COL23A1: variants seen among roughly 807,000 people sequenced by gnomAD.
The protein encoded by COL23A1 is collagen alpha-1(XXIII) chain.
In COL23A1, 97 loss-of-function variants were observed where a neutral mutation model predicts 99.3. The ratio of observed to expected loss-of-function variants is 0.98; its 90% CI spans 0.83 to 1.16. The LOEUF (loss-of-function observed/expected upper bound fraction) is 1.16. Ranked by LOEUF, COL23A1 falls within the 50% of genes most tolerant of loss-of-function variation. The pLI, the probability that COL23A1 is intolerant of heterozygous loss-of-function variation, is 0.00. For synonymous variants in COL23A1, 320 were observed against 308.2 expected (o/e 1.04, Z -0.40); for missense variants, 762 against 757.4 (o/e 1.01, Z -0.07).
intron 2 of COL23A1, among the ~76,000 whole-genome samples, chr5:178,422,959 G>A (rs991026725): frequency 6.6e-6 from 1 of 151,972 alleles, no homozygotes; most frequent in African/African-American, 2.4e-5. Context: ...GAATTTTGAA[G>A]TTTATTTATT....
intron 2 of COL23A1, among the ~76,000 whole-genome samples, chr5:178,341,851 C>T (rs936439465): frequency 1.1e-4 from 16 of 152,186 alleles, no homozygotes; most frequent in African/African-American, 3.9e-4. Context: ...GCCTGTCTTC[C>T]TCCAGACAGC....
Position 178,387,302 on chromosome 5 carries a change from G to A in COL23A1, c.362-80383C>T, listed in dbSNP as rs943209915. On this transcript the variant is annotated intron_variant, in intron 2 of 28. Transcript: ENST00000390654. The surrounding 1 kb of genome is among the most constrained non-coding windows in gnomAD (Gnocchi z 4.7). ...CCCAGACTCCCCACTTCTCTTCCTC[G>A]TCTCCTTCCACATGCCCTTCAAATG... 7.2e-5 allele frequency among the ~76,000 whole-genome samples: 11 copies of A among 151,968 alleles called. No individual in the cohort carries two copies. Among genetic ancestry groups the A allele is most frequent in the East Asian group, 1.9e-4 (1 of 5,174 alleles).
chr5:178,493,354 CT>C (rs1450187177), intron 2 of COL23A1, among the ~76,000 whole-genome samples: 2 of 152,246 alleles, frequency 1.3e-5, no homozygotes, highest in Non-Finnish European at 2.9e-5. Context: ...TTGCAAAGGA[CT>C]CATGCTTTGT....
intron 2 of COL23A1, among the ~76,000 whole-genome samples, chr5:178,331,869 G>C (rs963979752): frequency 6.6e-6 from 1 of 152,222 alleles, no homozygotes; most frequent in Non-Finnish European, 1.5e-5. Context: ...GCAGTCAGCC[G>C]GCAGGGCCAG....
At position 178,366,058 on chromosome 5, in the gene COL23A1, C is replaced by T. The variant is rs139563539; in HGVS notation, c.362-59139G>A. ...CTCGCTTCAGATGACGCCCCCAGTG[C>T]CAGGTGATCATCTGCCGCTGTGTCC... On this transcript the variant is annotated intron_variant, in intron 2 of 28. Coordinates refer to ENST00000390654, the MANE Select transcript of COL23A1 (RefSeq NM_173465.4). This position sits in a 1 kb window ranked among gnomAD's most constrained non-coding sequence, Gnocchi z 4.4. Among the ~76,000 whole-genome samples the T allele has an allele frequency of 7.2e-5, 11 of 152,302 alleles. No individual in the cohort carries two copies. The East Asian group carries it at 2.1e-3, about 29-fold the overall frequency.
In COL23A1 at chr5:178,544,380, G is replaced by A. The variant is rs1446542416; in HGVS notation, c.361+16302C>T. 1.3e-5 allele frequency among the ~76,000 whole-genome samples: 2 copies of A among 152,206 alleles called. No homozygotes were observed. The highest frequency in any genetic ancestry group is 2.4e-5 in the African/African-American group (1 of 41,460). On this transcript the variant is annotated intron_variant, in intron 2 of 28. Coordinates refer to ENST00000390654, the MANE Select transcript of COL23A1 (RefSeq NM_173465.4). This position sits in a 1 kb window ranked among gnomAD's most constrained non-coding sequence, Gnocchi z 4.4. ...TGCGCACTTCAGGGAGGACGCAGGC[G>A]CAGGGCCGGGGAGCTGGGAGGCACC...
intron 2 of COL23A1, among the ~76,000 whole-genome samples, chr5:178,443,338 A>G (rs989022666): frequency 6.6e-6 from 1 of 152,226 alleles, no homozygotes; most frequent in African/African-American, 2.4e-5. Context: ...CAGACACACA[A>G]AGGCCAAATG....
In COL23A1 at chr5:178,290,383, G is replaced by A; in HGVS notation, c.407-14C>T. ...TTACTGGAGGACCTGCAAAACACAAGCAGAGAAGCCACAGTCAGTGTGGAA... is the reference window on the plus strand; with the variant it reads ...TTACTGGAGGACCTGCAAAACACAAACAGAGAAGCCACAGTCAGTGTGGAA... On this transcript the variant is annotated splice_polypyrimidine_tract_variant and intron_variant, in intron 3 of 28. Transcript: ENST00000390654. The A allele has an allele frequency of 6.2e-7, 1 of 1,613,412 alleles. No individual in the cohort carries two copies. Among genetic ancestry groups the A allele is most frequent in the Non-Finnish European group, 8.5e-7 (1 of 1,180,016 alleles).
intron 2 of COL23A1, among the ~76,000 whole-genome samples, chr5:178,331,981 A>G (rs1199574502): frequency 6.6e-6 from 1 of 152,074 alleles, no homozygotes; most frequent in African/African-American, 2.4e-5. Flanking sequence ...CCAGCCAGGG[A>G]CCATCCCAGG....
Position 178,267,394 on chromosome 5 carries a change from G to A in COL23A1, c.496-61C>T, listed in dbSNP as rs376864860. 670 of 1,563,116 alleles carry A rather than the reference G, an allele frequency of 4.3e-4. 5 individuals are homozygous for A. Among genetic ancestry groups the A allele is most frequent in the South Asian group, 3.5e-3 (299 of 86,660 alleles). ...CTTTCATCGTTTCTTCACATTTCCC[G>A]TCGGGCATCTGTGCCCAGTGCTTCA... is the stretch of plus-strand genomic sequence containing the variant. On this transcript the variant is annotated intron_variant, in intron 7 of 28. Coordinates refer to ENST00000390654, the MANE Select transcript of COL23A1 (RefSeq NM_173465.4).
chr5:178,580,979 G>C (rs1763632370), intron 1 of COL23A1, among the ~76,000 whole-genome samples: 1 of 152,176 alleles, frequency 6.6e-6, no homozygotes, highest in Admixed American at 6.5e-5. Flanking sequence ...CTGCACACCT[G>C]CCTGGGTGAC....
chr5:178,293,561 G>T (rs185154861), intron 3 of COL23A1, among the ~76,000 whole-genome samples: 1 of 152,268 alleles, frequency 6.6e-6, no homozygotes, highest in Admixed American at 6.5e-5. Context: ...ACGGGGGCTG[G>T]GGGTGTTTCT....
At chr5:178,522,553 T>C (rs1337351744) in intron 2 of COL23A1, among the ~76,000 whole-genome samples, 1 of 152,092 alleles carries the variant, frequency 6.6e-6, no homozygotes, top group Non-Finnish European at 1.5e-5. Flanking sequence ...CTGCCCGAGA[T>C]TGTGACGAGC....
intron 2 of COL23A1, among the ~76,000 whole-genome samples, chr5:178,497,562 T>C (rs1265307152): frequency 1.3e-5 from 2 of 152,134 alleles, no homozygotes; most frequent in African/African-American, 4.8e-5. Flanking sequence ...CTCTCCTCCA[T>C]ACCGAAATGA....
At chr5:178,547,478 C>CCCAT (rs1761654868) in intron 2 of COL23A1, among the ~76,000 whole-genome samples, 1 of 140,564 alleles carries the variant, frequency 7.1e-6, no homozygotes, top group South Asian at 2.3e-4. Flanking sequence ...CCCACACACC[C>CCCAT]ACACACACAC....
chr5:178,404,378 G>C (rs938707970), intron 2 of COL23A1, among the ~76,000 whole-genome samples: 1 of 152,210 alleles, frequency 6.6e-6, no homozygotes, highest in Non-Finnish European at 1.5e-5. Context: ...AACACCAGGA[G>C]GGAGAAACCA....
At chr5:178,467,722 T>C (rs560852542) in intron 2 of COL23A1, among the ~76,000 whole-genome samples, 2 of 152,350 alleles carry the variant, frequency 1.3e-5, no homozygotes, top group South Asian at 4.1e-4. Flanking sequence ...TAATTCTTTT[T>C]AATTGACTCA....
At chr5:178,484,941 A>C (rs968754285) in intron 2 of COL23A1, among the ~76,000 whole-genome samples, 3 of 151,974 alleles carry the variant, frequency 2.0e-5, no homozygotes, top group Admixed American at 6.6e-5. Flanking sequence ...CTTAGATGTT[A>C]GGTTCTGGCC....
Position 178,313,831 on chromosome 5 carries a change from G to T in COL23A1, c.362-6912C>A, listed in dbSNP as rs1322482295. Among the ~76,000 whole-genome samples the T allele has an allele frequency of 6.6e-6, 1 of 152,098 alleles. No homozygotes were observed. The highest frequency in any genetic ancestry group is 3.2e-3 in the Middle Eastern group (1 of 316). On this transcript the variant is annotated intron_variant, in intron 2 of 28. Coordinates refer to ENST00000390654, the MANE Select transcript of COL23A1 (RefSeq NM_173465.4). The surrounding 1 kb of genome is among the most constrained non-coding windows in gnomAD (Gnocchi z 4.2). ...TGCTGGGGCTTCAGGGCCATCAGGG[G>T]GTGCACCTTGAGCAGAGAAGGCAAG...
Sources: gnomAD v4.1 joint callset for allele counts (sites outside exome capture counted in the v4.1 genomes callset) on GRCh38, gnomAD v4.1.1 for gene constraint, Gnocchi (gnomAD v3.1) non-coding constraint, MANE v1.5 for transcripts, NCBI Gene and HGNC (gene_info 2026-07-23, HGNC 2026-07-21) for gene names.